Variants in GPAA1 observed in about 807,000 individuals in gnomAD.
GPAA1 encodes glycosylphosphatidylinositol anchor attachment 1.
Under a neutral mutation model 64.0 loss-of-function variants are expected in GPAA1, and 54 were observed. The observed-to-expected ratio is 0.84, with a 90% CI of 0.68 to 1.06. GPAA1 has a LOEUF of 1.06. Ranked by LOEUF, GPAA1 falls within the 50% of genes least tolerant of loss-of-function variation. The pLI, the probability that GPAA1 is intolerant of heterozygous loss-of-function variation, is 0.00. For missense variants in GPAA1, 780 were observed against 822.3 expected (o/e 0.95, Z 0.63); for synonymous variants, 393 against 377.3 (o/e 1.04, Z -0.48).
Position 144,085,341 on chromosome 8 carries a change from G to T in GPAA1, c.1313G>T (p.Gly438Val). 1 of 1,610,460 alleles carries T rather than the reference G, an allele frequency of 6.2e-7. No individual in the cohort carries two copies. The stretch of plus-strand genomic sequence containing the variant: ...CCTCTGCTGATCTCACAGGCCATGG[G>T]ACTGGCCCTCTATGTCCTGCCAGTG... ...VAPLLISQAM[G>V]LALYVLPVLG... Residue 438 changes from glycine (G) to valine (V), a missense_variant, in exon 10 of 12, where the codon GGA becomes GTA. Transcript: ENST00000355091.
Position 144,084,429 on chromosome 8 carries a change from G to A in GPAA1, c.830G>A (p.Trp277Ter), listed in dbSNP as rs1554764051. 2 of 1,612,124 alleles carry A rather than the reference G, an allele frequency of 1.2e-6. No individual in the cohort carries two copies. The highest frequency in any genetic ancestry group is 2.2e-5 in the South Asian group (2 of 91,052). ...TLQGKLQPED[W>*]TSLDGPLQGL... is the part of the protein sequence containing the mutation. ...CCTCTAAAGCTGCAGCCCGAGGACT[G>A]GACATCATTGGATGGACCGCTGCAG... is the stretch of plus-strand genomic sequence containing the variant. The change falls in exon 7 of 12, where the codon TGG (tryptophan) becomes TAG (stop). Residue 277 changes from tryptophan (W) to a stop codon, truncating the protein, a stop_gained. Transcript: ENST00000355091. LOFTEE classifies it high-confidence loss of function.
intron 11 of GPAA1, 28 bp from the exon 12 acceptor site, chr8:144,085,854 C>A: frequency 6.2e-7 from 1 of 1,601,346 alleles, no homozygotes. Context: ...CACCATGGAG[C>A]CTACCTTGAT....
At chr8:144,085,790 A>G (rs1554764298) in intron 11 of GPAA1, 47 bp downstream of exon 11, 1 of 1,604,170 alleles carries the variant, frequency 6.2e-7, no homozygotes, top group Non-Finnish European at 8.5e-7. Flanking sequence ...TGCCCTCATC[A>G]CAGACCGCAC....
At chr8:144,083,018 A>G (rs1221013637) in intron 1 of GPAA1, 106 bp from the exon 2 acceptor site, 1 of 1,073,578 alleles carries the variant, frequency 9.3e-7, no homozygotes, top group Non-Finnish European at 1.3e-6. Flanking sequence ...CTCCGGGTTT[A>G]GGTCTCCCAG....
rs782195029 is a variant in GPAA1, at chr8:144,084,486, G to A, written c.887G>A (p.Arg296Gln). The A allele has an allele frequency of 2.3e-5, 37 of 1,613,188 alleles. No individual in the cohort carries two copies. Among genetic ancestry groups the A allele is most frequent in the African/African-American group, 2.7e-5 (2 of 74,934 alleles). ...GLQTLLLMVLRQASGRPHGSH... is the reference protein window; with the variant it reads ...GLQTLLLMVLQQASGRPHGSH... ...CAGACACTGCTGCTCATGGTTCTGC[G>A]GCAGGCCTCCGGCCGCCCCCACGGC... Residue 296 changes from arginine (R) to glutamine (Q), a missense_variant, in exon 7 of 12, where the codon CGG (arginine) becomes CAG (glutamine). By Grantham distance (43) the Arg-to-Gln change is conservative. Transcript: ENST00000355091.
In GPAA1 at chr8:144,085,238, G is replaced by T. The variant is rs1554764175; in HGVS notation, c.1261-51G>T. ...AGCTGGTGGGATGGTGGTGGTCTTT[G>T]GGGATCCCCTGGCCCCAGGGTCCAT... is the stretch of plus-strand genomic sequence containing the variant. On this transcript the variant is annotated intron_variant, in intron 9 of 11. Transcript: ENST00000355091. 2.0e-6 allele frequency: 3 copies of T among 1,526,732 alleles called. No individual in the cohort carries two copies. The South Asian group carries it at 3.7e-5, about 19-fold the overall frequency. 94.6% of individuals were successfully genotyped at this position (1,526,732 alleles called of 1,614,324 possible). A position where few individuals can be genotyped will look rare whatever the true frequency, so the allele number is the denominator to read the frequency against.
In GPAA1 at chr8:144,084,773, C is replaced by T. The variant is rs782364142; in HGVS notation, c.1062C>T (p.His354=). The T allele has an allele frequency of 1.2e-6, 2 of 1,613,852 alleles. No individual in the cohort carries two copies. The highest frequency in any genetic ancestry group is 2.2e-5 in the South Asian group (2 of 91,084). The change falls in exon 8 of 12, where the codon CAC becomes CAT. Residue 354 remains histidine, a synonymous_variant. Transcript: ENST00000355091. ...RKLNHLLERL[H]QSFFLYLLPG... ...TCAACCACCTCCTGGAGCGCCTGCA[C>T]CAGTCCTTCTTCCTCTACTTGCTCC...
chr8:144,085,554 T>A lies in GPAA1; in HGVS notation c.1452-19T>A. ...ATGCAGACAGCTTGTGGGTTGCCTC[T>A]GAGTCCTTTGTCTTACAGGGTGGTA... is the stretch of plus-strand genomic sequence containing the variant. On this transcript the variant is annotated intron_variant, in intron 10 of 11. Coordinates refer to ENST00000355091, the MANE Select transcript of GPAA1 (RefSeq NM_003801.4). 1.2e-6 allele frequency: 2 copies of A among 1,610,904 alleles called. No individual in the cohort carries two copies. The highest frequency in any genetic ancestry group is 1.7e-6 in the Non-Finnish European group (2 of 1,178,292).
chr8:144,084,340 C>T lies in GPAA1; in HGVS notation c.813+10C>T. 6.2e-7 allele frequency: 1 copy of T among 1,611,940 alleles called. No homozygotes were observed. The highest frequency in any genetic ancestry group is 8.5e-7 in the Non-Finnish European group (1 of 1,178,648). ...CACGCTTCAGGGCAAGGTGGGGCTG[C>T]CTGCCTGCCTGAGGGCTGAAGGGCA... is the stretch of plus-strand genomic sequence containing the variant. On this transcript the variant is annotated intron_variant, in intron 6 of 11. Coordinates refer to ENST00000355091, the MANE Select transcript of GPAA1 (RefSeq NM_003801.4).
At position 144,085,024 on chromosome 8, in the gene GPAA1, G is replaced by C; in HGVS notation, c.1165-19G>C. On this transcript the variant is annotated intron_variant, in intron 8 of 11. Transcript: ENST00000355091. ...GCAGATCCCGTTACACCTCTTGTTGGGGTCCTTGATTGGGCTACGCTCTGG... is the reference window on the plus strand; with the variant it reads ...GCAGATCCCGTTACACCTCTTGTTGCGGTCCTTGATTGGGCTACGCTCTGG... 6.3e-7 allele frequency: 1 copy of C among 1,595,404 alleles called. No individual in the cohort carries two copies. The highest frequency in any genetic ancestry group is 1.3e-5 in the African/African-American group (1 of 74,436).
chr8:144,085,520 C>A (rs782478182), intron 10 of GPAA1, 41 bp downstream of exon 10: 16 of 1,605,046 alleles, frequency 1.0e-5, no homozygotes, highest in Non-Finnish European at 1.2e-5. Context: ...GGGTAGAGGT[C>A]CCCTGGACAT....
At position 144,083,695 on chromosome 8, in the gene GPAA1, C is replaced by T. The variant is rs782109488; in HGVS notation, c.367-19C>T. ...CCACAAAGTTACACTGAGGCTCCCC[C>T]CACCGATGCTGCATACAGATGGTGT... On this transcript the variant is annotated intron_variant, in intron 3 of 11. Coordinates refer to ENST00000355091, the MANE Select transcript of GPAA1 (RefSeq NM_003801.4). The T allele has an allele frequency of 5.5e-5, 88 of 1,593,670 alleles. No homozygotes were observed. In the East Asian group the frequency reaches 1.0e-3, roughly 18 times the overall value.
chr8:144,084,723 G>T lies in GPAA1; in HGVS notation c.1012G>T (p.Ala338Ser), dbSNP rs1554764095. The change falls in exon 8 of 12, where the codon GCT (alanine) becomes TCT (serine). Residue 338 changes from alanine (A) to serine (S), a missense_variant and splice_region_variant. Coordinates refer to ENST00000355091, the MANE Select transcript of GPAA1 (RefSeq NM_003801.4). Reference protein sequence around the residue: ...YKYDLVAVGKALEGMFRKLNH... With the variant: ...YKYDLVAVGKSLEGMFRKLNH... ...GTGAACCTGCCCCACACCTGACAGG[G>T]CTTTGGAGGGCATGTTCCGCAAGCT... is the stretch of plus-strand genomic sequence containing the variant. The T allele has an allele frequency of 2.5e-6, 4 of 1,613,596 alleles. No individual in the cohort carries two copies. In the African/African-American group the frequency reaches 4.0e-5, roughly 16 times the overall value.
rs781943721 is a variant in GPAA1 at position 144,085,027 on chromosome 8, T to A, written c.1165-16T>A. The A allele has an allele frequency of 4.4e-6, 7 of 1,597,472 alleles. No individual in the cohort carries two copies. The highest frequency in any genetic ancestry group is 6.0e-6 in the Non-Finnish European group (7 of 1,171,010). On this transcript the variant is annotated splice_polypyrimidine_tract_variant and intron_variant, in intron 8 of 11. Coordinates refer to ENST00000355091, the MANE Select transcript of GPAA1 (RefSeq NM_003801.4). ...GATCCCGTTACACCTCTTGTTGGGG[T>A]CCTTGATTGGGCTACGCTCTGGAAC...
At chr8:144,084,681 G>A in intron 7 of GPAA1, 41 bp from the exon 8 acceptor site, 1 of 1,610,040 alleles carries the variant, frequency 6.2e-7, no homozygotes, top group East Asian at 2.2e-5. Context: ...GGGATGGCCT[G>A]GTGGCTCTGG....
At chr8:144,083,010 C>A in intron 1 of GPAA1, 114 bp from the exon 2 acceptor site, 1 of 1,026,110 alleles carries the variant, frequency 9.7e-7, no homozygotes, top group South Asian at 1.6e-5. Context: ...ATGCAGGACT[C>A]CGGGTTTAGG....
Position 144,083,492 on chromosome 8 carries a change from G to T in GPAA1, c.358G>T (p.Glu120Ter). The T allele has an allele frequency of 6.2e-7, 1 of 1,610,382 alleles. No individual in the cohort carries two copies. Among genetic ancestry groups the T allele is most frequent in the South Asian group, 1.1e-5 (1 of 91,018 alleles). The change falls in exon 3 of 12, where the codon GAG (glutamate) becomes TAG (stop). Residue 120 changes from glutamate to a stop codon, truncating the protein, a stop_gained. Coordinates refer to ENST00000355091, the MANE Select transcript of GPAA1 (RefSeq NM_003801.4). LOFTEE classifies it high-confidence loss of function. ...RKLPFPDETH[E>*]RYMVSGTNVY... ...ACTGCCCTTCCCAGATGAGACCCACGAGCGCTATGTACTGGGGGAGTGGGG... is the reference window on the plus strand; with the variant it reads ...ACTGCCCTTCCCAGATGAGACCCACTAGCGCTATGTACTGGGGGAGTGGGG...
Position 144,083,864 on chromosome 8 carries a change from G to A in GPAA1, c.514+3G>A. 1 of 1,613,166 alleles carries A rather than the reference G, an allele frequency of 6.2e-7. No homozygotes were observed. Among genetic ancestry groups the A allele is most frequent in the Non-Finnish European group, 8.5e-7 (1 of 1,180,028 alleles). On this transcript the variant is annotated splice_donor_region_variant and intron_variant, in intron 4 of 11. Transcript: ENST00000355091. Reference sequence around the variant, plus strand: ...GGCACTGGCTGCCCACTTCCGGGGTGAGTCTCAGGGCTGCTGGCCGTGGAG... The same window carrying A: ...GGCACTGGCTGCCCACTTCCGGGGTAAGTCTCAGGGCTGCTGGCCGTGGAG...
rs1835946590 is a variant in GPAA1 at position 144,083,736 on chromosome 8, A to C, written c.389A>C (p.Tyr130Ser). 1.2e-6 allele frequency: 2 copies of C among 1,603,952 alleles called. No homozygotes were observed. Among genetic ancestry groups the C allele is most frequent in the Non-Finnish European group, 8.5e-7 (1 of 1,179,782 alleles). ...ERYMVSGTNV[Y>S]GILRAPRAAS... ...CAGATGGTGTCGGGCACCAACGTGT[A>C]CGGCATCCTGCGGGCCCCGCGTGCT... Residue 130 changes from tyrosine to serine, a missense_variant, in exon 4 of 12, where the codon TAC (tyrosine) becomes TCC (serine). By Grantham distance (144) the Tyr-to-Ser change is moderately radical. Transcript: ENST00000355091.
Sources: allele counts gnomAD v4.1 joint callset, GRCh38; gene constraint gnomAD v4.1.1; transcripts MANE v1.5; gene names NCBI Gene and HGNC (gene_info 2026-07-23, HGNC 2026-07-21).